The following SLC9A9 variants were observed in gnomAD, a reference collection of about 807,000 sequenced individuals.
The protein encoded by SLC9A9 is sodium/hydrogen exchanger 9.
SLC9A9 carries 62 observed loss-of-function variants against 77.8 expected under a neutral mutation model. That is an observed-to-expected ratio of 0.80 (90% CI 0.65 to 0.98). The LOEUF is 0.98. SLC9A9 is among the 50% of genes least tolerant of loss of function. SLC9A9 has a pLI of 0.00. For missense variants in SLC9A9, 775 were observed against 774.9 expected (o/e 1.00, Z 0.00); for synonymous variants, 320 against 283.5 (o/e 1.13, Z -1.29).
chr3:143,661,168 G>C (rs2038973044), intron 5 of SLC9A9, among the ~76,000 whole-genome samples: 2 of 152,318 alleles, frequency 1.3e-5, no homozygotes, highest in African/African-American at 4.8e-5. Flanking sequence ...CCAAGTCTGA[G>C]GGGAGCAAGC....
At chr3:143,356,457 C>G (rs1052936867) in intron 14 of SLC9A9, among the ~76,000 whole-genome samples, 5 of 152,188 alleles carry the variant, frequency 3.3e-5, no homozygotes, top group African/African-American at 1.2e-4. Context: ...TGTTAAAATT[C>G]CCCTGTGTTG....
intron 6 of SLC9A9, among the ~76,000 whole-genome samples, chr3:143,640,426 G>A (rs568725455): frequency 6.6e-4 from 101 of 152,108 alleles, no homozygotes; most frequent in Non-Finnish European, 1.3e-3. Flanking sequence ...GCTATATTGG[G>A]CCCAGACTAG....
chr3:143,499,015 T>C (rs2035886309), intron 9 of SLC9A9, among the ~76,000 whole-genome samples: 1 of 152,242 alleles, frequency 6.6e-6, no homozygotes, highest in Non-Finnish European at 1.5e-5. Flanking sequence ...TGCCTTTCTG[T>C]AGAATTGTTG....
rs2034156496 is a variant in SLC9A9 at position 143,414,514 on chromosome 3, A to G, written c.1470-32400T>C. On this transcript the variant is annotated intron_variant, in intron 12 of 15. Coordinates refer to ENST00000316549, the MANE Select transcript of SLC9A9 (RefSeq NM_173653.4). The stretch of plus-strand genomic sequence containing the variant: ...TGTATTACACTTTGGTGTTTTAGAG[A>G]TATTTCAAACATTTCATCATTATCA... Among the ~76,000 whole-genome samples, 4 of 152,214 alleles carry G rather than the reference A, an allele frequency of 2.6e-5. No individual in the cohort carries two copies. In the South Asian group the frequency reaches 8.3e-4, roughly 31 times the overall value.
chr3:143,655,691 C>CACAT, intron 5 of SLC9A9: 2 of 890,888 alleles, frequency 2.2e-6, no homozygotes, highest in South Asian at 1.0e-4. Context: ...TACACACACA[C>CACAT]ACACACACAC....
chr3:143,364,294 G>C (rs1318861669), intron 13 of SLC9A9, among the ~76,000 whole-genome samples: 1 of 151,876 alleles, frequency 6.6e-6, no homozygotes. Flanking sequence ...AATGTAAGGA[G>C]GGTATCCAGT....
intron 4 of SLC9A9, among the ~76,000 whole-genome samples, chr3:143,763,507 T>C (rs2007203549): frequency 6.6e-6 from 1 of 152,194 alleles, no homozygotes; most frequent in Non-Finnish European, 1.5e-5. Flanking sequence ...TCCAGTTCTC[T>C]TTGATAATAA....
intron 14 of SLC9A9, among the ~76,000 whole-genome samples, chr3:143,349,434 C>T (rs1011143577): frequency 6.6e-5 from 10 of 152,162 alleles, no homozygotes; most frequent in Non-Finnish European, 1.0e-4. Context: ...CATCAACTCA[C>T]ATCCTTTAAT....
chr3:143,411,214 C>A (rs1252297370), intron 12 of SLC9A9, among the ~76,000 whole-genome samples: 1 of 152,080 alleles, frequency 6.6e-6, no homozygotes, highest in African/African-American at 2.4e-5. Context: ...TTTTTTTCCC[C>A]TCTTTGAGAT....
intron 4 of SLC9A9, among the ~76,000 whole-genome samples, chr3:143,780,101 C>A (rs969175597): frequency 1.3e-5 from 2 of 152,134 alleles, no homozygotes; most frequent in Non-Finnish European, 2.9e-5. Flanking sequence ...AGAATAGATA[C>A]CTTTTTGCTG....
intron 4 of SLC9A9, among the ~76,000 whole-genome samples, chr3:143,785,802 G>A (rs1375916793): frequency 6.7e-6 from 1 of 148,234 alleles, no homozygotes; most frequent in Admixed American, 6.8e-5. Context: ...TGAGGGTACT[G>A]AAGAATAAAG....
chr3:143,837,609 A>G (rs1472133803), intron 1 of SLC9A9, among the ~76,000 whole-genome samples: 1 of 152,050 alleles, frequency 6.6e-6, no homozygotes, highest in Non-Finnish European at 1.5e-5. Flanking sequence ...ATCCTTGTTT[A>G]CCCCACAAAG....
intron 6 of SLC9A9, among the ~76,000 whole-genome samples, chr3:143,588,247 C>A (rs2037579773): frequency 6.6e-6 from 1 of 152,164 alleles, no homozygotes; most frequent in Admixed American, 6.5e-5. Context: ...CCCTGAGGGT[C>A]ATTGACTTGC....
chr3:143,655,281 A>C lies in SLC9A9; in HGVS notation c.650-2921T>G, dbSNP rs1330476811. Among the ~76,000 whole-genome samples the C allele has an allele frequency of 2.6e-5, 4 of 152,214 alleles. No homozygotes were observed. In the East Asian group the frequency reaches 7.7e-4, roughly 29 times the overall value. On this transcript the variant is annotated intron_variant, in intron 5 of 15. Transcript: ENST00000316549. ...ATCTTTGGGACAGCTGTGGACATGCACATACCAGCTCTGCCCACACCTTGC... is the reference window on the plus strand; with the variant it reads ...ATCTTTGGGACAGCTGTGGACATGCCCATACCAGCTCTGCCCACACCTTGC...
chr3:143,474,260 G>A (rs1464854451), intron 11 of SLC9A9, among the ~76,000 whole-genome samples: 1 of 152,206 alleles, frequency 6.6e-6, no homozygotes, highest in Admixed American at 6.5e-5. Flanking sequence ...TAATGCCAGA[G>A]AGGTGACATA....
At chr3:143,618,625 C>G (rs932420203) in intron 6 of SLC9A9, among the ~76,000 whole-genome samples, 1 of 152,140 alleles carries the variant, frequency 6.6e-6, no homozygotes, top group Admixed American at 6.5e-5. Context: ...ACCAACCTGG[C>G]ACGATGACAG....
chr3:143,518,283 G>A, intron 9 of SLC9A9: 1 of 1,318,254 alleles, frequency 7.6e-7, no homozygotes, highest in Non-Finnish European at 1.1e-6. Context: ...CCAGGCCCAG[G>A]CGCTGGCTCA....
chr3:143,581,701 AG>A (rs1452393483), intron 6 of SLC9A9, among the ~76,000 whole-genome samples: 1 of 152,206 alleles, frequency 6.6e-6, no homozygotes, highest in Non-Finnish European at 1.5e-5. Flanking sequence ...AGGATAGTTG[AG>A]TGACAGTGTG....
chr3:143,277,383 G>A (rs1444690672), intron 14 of SLC9A9, among the ~76,000 whole-genome samples: 2 of 152,212 alleles, frequency 1.3e-5, no homozygotes, highest in African/African-American at 2.4e-5. Flanking sequence ...CCTTGGGCAG[G>A]ACCTAGTAAT....
Sources: allele counts gnomAD v4.1 joint callset (sites outside exome capture counted in the v4.1 genomes callset), GRCh38; gene constraint gnomAD v4.1.1; transcripts MANE v1.5; gene names NCBI Gene and HGNC (gene_info 2026-07-23, HGNC 2026-07-21).